Variants in GALNT13 observed in about 807,000 individuals in gnomAD.
The protein encoded by GALNT13 is polypeptide N-acetylgalactosaminyltransferase 13.
A neutral mutation model predicts 64.2 loss-of-function variants in GALNT13; 28 were observed. The observed-to-expected ratio is 0.44, with a 90% CI of 0.32 to 0.60. The LOEUF is 0.60. Ranked by LOEUF, GALNT13 falls within the 20% of genes least tolerant of loss-of-function variation. GALNT13 has a pLI of 0.05. For missense variants in GALNT13, 577 were observed against 669.8 expected, an observed-to-expected ratio of 0.86 and a Z score of 1.53; for synonymous variants, 214 against 224.6, an observed-to-expected ratio of 0.95 and a Z score of 0.42.
chr2:153,958,614 G>A (rs1314507358), intron 3 of GALNT13, among the ~76,000 whole-genome samples: 1 of 152,164 alleles, frequency 6.6e-6, no homozygotes, highest in Non-Finnish European at 1.5e-5. Context: ...CCCATGTCTA[G>A]TAAGGATCTC....
the GALNT13 span, among the ~76,000 whole-genome samples, chr2:153,183,382 A>G: frequency 1.3e-5 from 2 of 152,164 alleles, no homozygotes; most frequent in Non-Finnish European, 1.5e-5. Context: ...GACCTTTGTC[A>G]GATGGATAGA....
At chr2:154,037,966 A>G (rs1390424960) in intron 3 of GALNT13, among the ~76,000 whole-genome samples, 1 of 152,086 alleles carries the variant, frequency 6.6e-6, no homozygotes. Flanking sequence ...CCCACAACAT[A>G]GCAAGGGACA....
chr2:153,165,965 C>T, the GALNT13 span, among the ~76,000 whole-genome samples: 35 of 152,282 alleles, frequency 2.3e-4, no homozygotes, highest in African/African-American at 7.5e-4. Flanking sequence ...GTGCCATGAT[C>T]TTAATGTCTA....
chr2:153,118,145 A>ACACACACACACC, the GALNT13 span, among the ~76,000 whole-genome samples: 2 of 147,360 alleles, frequency 1.4e-5, no homozygotes, highest in African/African-American at 5.0e-5. Context: ...ACACACACAC[A>ACACACACACACC]CCCCACATAA....
the GALNT13 span, among the ~76,000 whole-genome samples, chr2:153,742,614 A>C: frequency 6.6e-6 from 1 of 151,962 alleles, no homozygotes; most frequent in Non-Finnish European, 1.5e-5. Context: ...AGTGTCCATT[A>C]TTTCCATCTT....
the GALNT13 span, among the ~76,000 whole-genome samples, chr2:153,166,066 G>C: frequency 6.6e-6 from 1 of 152,044 alleles, no homozygotes; most frequent in African/African-American, 2.4e-5. Context: ...GAATTTACAC[G>C]AGTGGCATAC....
chr2:153,406,426 G>A, the GALNT13 span, among the ~76,000 whole-genome samples: 1 of 151,378 alleles, frequency 6.6e-6, no homozygotes, highest in African/African-American at 2.4e-5. Flanking sequence ...TTTTGTGGGG[G>A]GCACTGAGTC....
chr2:154,310,714 C>A (rs895404154), intron 9 of GALNT13, among the ~76,000 whole-genome samples: 2 of 152,062 alleles, frequency 1.3e-5, no homozygotes, highest in Admixed American at 6.6e-5. Flanking sequence ...GATGTGGAAG[C>A]ATTAAGAATG....
At chr2:154,364,318 C>A (rs1045499628) in intron 9 of GALNT13, among the ~76,000 whole-genome samples, 2 of 152,130 alleles carry the variant, frequency 1.3e-5, no homozygotes, top group African/African-American at 4.8e-5. Context: ...ATATTTTTAA[C>A]CTAACTGTAT....
chr2:153,311,468 C>G, the GALNT13 span, among the ~76,000 whole-genome samples: 1 of 152,326 alleles, frequency 6.6e-6, no homozygotes, highest in East Asian at 1.9e-4. Flanking sequence ...CGTTTATTAT[C>G]TCCCAGATTC....
chr2:153,854,656 T>G, the GALNT13 span, among the ~76,000 whole-genome samples: 1 of 151,954 alleles, frequency 6.6e-6, no homozygotes, highest in Non-Finnish European at 1.5e-5. Context: ...TCAAATATAA[T>G]TAAAATAAGG....
chr2:154,223,825 G>A (rs1009755703), intron 4 of GALNT13, among the ~76,000 whole-genome samples: 8 of 151,926 alleles, frequency 5.3e-5, no homozygotes, highest in Non-Finnish European at 1.0e-4. Flanking sequence ...TTAACATTTT[G>A]ATATTGATTG....
the GALNT13 span, among the ~76,000 whole-genome samples, chr2:153,213,744 T>G: frequency 2.6e-5 from 4 of 152,188 alleles, no homozygotes; most frequent in African/African-American, 9.6e-5. Flanking sequence ...CCTTCATCTC[T>G]AAAATGGACA....
At chr2:153,720,933 G>C in the GALNT13 span, among the ~76,000 whole-genome samples, 1 of 152,022 alleles carries the variant, frequency 6.6e-6, no homozygotes, top group Non-Finnish European at 1.5e-5. Flanking sequence ...AAGGCAGGCC[G>C]ACGTTCAGAT....
intron 2 of GALNT13, among the ~76,000 whole-genome samples, chr2:153,909,237 AT>A (rs1289098907): frequency 6.6e-6 from 1 of 151,660 alleles, no homozygotes; most frequent in Non-Finnish European, 1.5e-5. Flanking sequence ...ATTTTTGTAC[AT>A]TTTTTGCTAG....
At chr2:153,801,973 T>C in the GALNT13 span, among the ~76,000 whole-genome samples, 1 of 152,178 alleles carries the variant, frequency 6.6e-6, no homozygotes, top group African/African-American at 2.4e-5. Context: ...TCATTAATAT[T>C]CTCAAGAAAA....
chr2:154,311,725 C>T (rs1371588438), intron 9 of GALNT13, among the ~76,000 whole-genome samples: 1,365 of 132,514 alleles, frequency 0.01, no homozygotes, highest in African/African-American at 0.016. Context: ...TTTATTTCAC[C>T]TCTGCAATCT....
At chr2:153,658,469 T>C in the GALNT13 span, among the ~76,000 whole-genome samples, 1 of 152,100 alleles carries the variant, frequency 6.6e-6, no homozygotes. Context: ...TGATAGACAC[T>C]CCCTTCCCCA....
intron 3 of GALNT13, among the ~76,000 whole-genome samples, chr2:154,112,784 C>T (rs1703059965): frequency 1.3e-5 from 2 of 152,156 alleles, no homozygotes. Flanking sequence ...CGTGCAGAAC[C>T]ATCTGTGAAG....
Sources: gnomAD v4.1 joint callset for allele counts (sites outside exome capture counted in the v4.1 genomes callset) on GRCh38, gnomAD v4.1.1 for gene constraint, MANE v1.5 for transcripts, NCBI Gene and HGNC (gene_info 2026-07-23, HGNC 2026-07-21) for gene names.